The following CACNB4 variants were observed in gnomAD, a reference collection of about 807,000 sequenced individuals.
The protein encoded by CACNB4 is voltage-dependent L-type calcium channel subunit beta-4.
Under a neutral mutation model 71.2 loss-of-function variants are expected in CACNB4, and 32 were observed. The ratio of observed to expected loss-of-function variants is 0.45; its 90% CI spans 0.34 to 0.60. CACNB4 has a LOEUF of 0.60. Ranked by LOEUF, CACNB4 falls within the 20% of genes least tolerant of loss-of-function variation. CACNB4 has a pLI of 0.01. For synonymous variants in CACNB4, 231 were observed against 236.9 expected (o/e 0.97, Z 0.23); for missense variants, 464 against 647.9 (o/e 0.72, Z 3.08).
At chr2:152,076,692 C>A (rs1687049977) in intron 2 of CACNB4, among the ~76,000 whole-genome samples, 1 of 144,254 alleles carries the variant, frequency 6.9e-6, no homozygotes, top group Non-Finnish European at 1.5e-5. Context: ...CCTCACTCAG[C>A]TGATAATAAA....
intron 5 of CACNB4, chr2:151,873,206 A>G (rs2099845077): frequency 6.6e-6 from 1 of 152,252 alleles, no homozygotes. Flanking sequence ...TGGGGAGACA[A>G]AATCCTTTCC....
chr2:151,850,854 A>G (rs1347211573), intron 12 of CACNB4: 1 of 152,206 alleles, frequency 6.6e-6, no homozygotes, highest in Non-Finnish European at 1.5e-5. Flanking sequence ...CTGATATCAC[A>G]TAGGACCCAT....
In CACNB4 at chr2:152,006,732, AT is replaced by A. The variant is rs1682751692; in HGVS notation, c.147+91597del. Among the ~76,000 whole-genome samples, 4 of 152,296 alleles carry A rather than the reference AT, an allele frequency of 2.6e-5. No homozygotes were observed. In the South Asian group the frequency reaches 8.3e-4, roughly 32 times the overall value. On this transcript the variant is annotated intron_variant, in intron 2 of 13. Transcript: ENST00000539935. ...ACTCTGGGATTGAAAGCCTTTCATTATCTGCCCTGGTAGTCACGTTTCATTC... is the reference window on the plus strand; with the variant it reads ...ACTCTGGGATTGAAAGCCTTTCATTACTGCCCTGGTAGTCACGTTTCATTC...
chr2:151,932,518 C>A (rs1245283442), intron 2 of CACNB4, among the ~76,000 whole-genome samples: 1 of 152,066 alleles, frequency 6.6e-6, no homozygotes, highest in Non-Finnish European at 1.5e-5. Flanking sequence ...GTCCTAACCT[C>A]CAGTATCTCA....
At chr2:151,871,059 T>G (rs1364643160) in intron 6 of CACNB4, 198 bp from the exon 7 acceptor site, 1 of 595,828 alleles carries the variant, frequency 1.7e-6, no homozygotes, top group East Asian at 2.8e-5. Context: ...AACAGACAGC[T>G]TCCTCCCTGG....
chr2:151,863,382 G>C (rs1247707237), intron 9 of CACNB4, among the ~76,000 whole-genome samples: 1 of 152,052 alleles, frequency 6.6e-6, no homozygotes, highest in African/African-American at 2.4e-5. Context: ...GTTTATTTTT[G>C]TGTTTTTGGG....
intron 2 of CACNB4, among the ~76,000 whole-genome samples, chr2:151,938,628 G>A (rs1173571773): frequency 1.3e-5 from 2 of 152,208 alleles, no homozygotes; most frequent in African/African-American, 4.8e-5. Context: ...CTGGATGTCA[G>A]AATGTCATCG....
rs184357403 is a variant in CACNB4, at chr2:151,834,714, A to G, written c.*4405T>C. 4.6e-5 allele frequency: 7 copies of G among 152,042 alleles called. No homozygotes were observed. The East Asian group carries it at 1.3e-3, about 29-fold the overall frequency. The allele number at this position is 152,042 out of a possible 1,614,324, so 9.4% of individuals were successfully genotyped here. A position where few individuals can be genotyped will look rare whatever the true frequency, so the allele number is the denominator to read the frequency against. On this transcript the variant is annotated 3_prime_UTR_variant, in exon 14 of 14. Coordinates refer to ENST00000539935, the MANE Select transcript of CACNB4 (RefSeq NM_000726.5). ...TAATTGGATTGACTTGACTGGTTTGATCATGATTATTTTAAAGAAGAGGAC... is the reference window on the plus strand; with the variant it reads ...TAATTGGATTGACTTGACTGGTTTGGTCATGATTATTTTAAAGAAGAGGAC...
intron 3 of CACNB4, 119 bp downstream of exon 3, chr2:151,883,131 TG>T: frequency 9.7e-7 from 1 of 1,035,482 alleles, no homozygotes; most frequent in Non-Finnish European, 1.4e-6. Flanking sequence ...CTTCCCAATC[TG>T]GAGCCTTGTT....
chr2:152,074,264 TACCACCATCACCATTACCAACATC>T (rs1169370425), intron 2 of CACNB4, among the ~76,000 whole-genome samples: 1 of 151,234 alleles, frequency 6.6e-6, no homozygotes, highest in Admixed American at 6.6e-5. Flanking sequence ...TTTATACCAA[TACCACCATCACCATTACCAACATC>T]ACCACCATCA....
chr2:151,943,033 G>C (rs2099864664), intron 2 of CACNB4, among the ~76,000 whole-genome samples: 1 of 151,984 alleles, frequency 6.6e-6, no homozygotes, highest in African/African-American at 2.4e-5. Flanking sequence ...TCTTTGTTCT[G>C]CTTTTTGCCC....
chr2:151,925,873 G>A (rs940878750), intron 2 of CACNB4, among the ~76,000 whole-genome samples: 3 of 152,124 alleles, frequency 2.0e-5, no homozygotes, highest in Admixed American at 2.0e-4. Context: ...AGTTAAACCT[G>A]AATCCAAGGT....
At chr2:151,869,913 C>G (rs1427921783) in intron 8 of CACNB4, 2 of 385,026 alleles carry the variant, frequency 5.2e-6, no homozygotes, top group South Asian at 3.7e-5. Context: ...TTTAATGTCA[C>G]GTTCTACCTA....
At chr2:151,904,538 CT>C (rs11347936) in intron 2 of CACNB4, among the ~76,000 whole-genome samples, 92,209 of 127,436 alleles carry the variant, frequency 0.72, 32,678 homozygotes, top group Middle Eastern at 0.88. Context: ...AGAGATAACT[CT>C]TTTTTTTTTT....
intron 2 of CACNB4, among the ~76,000 whole-genome samples, chr2:151,974,539 C>A (rs2099873426): frequency 6.6e-6 from 1 of 152,192 alleles, no homozygotes; most frequent in Admixed American, 6.5e-5. Context: ...AACTTCTCAA[C>A]TTTTAGATGT....
intron 2 of CACNB4, among the ~76,000 whole-genome samples, chr2:151,976,926 T>C (rs2099873912): frequency 2.6e-5 from 4 of 152,204 alleles, no homozygotes; most frequent in Admixed American, 2.0e-4. Flanking sequence ...CACACTTCAC[T>C]GCAGCAGGTA....
chr2:151,940,482 A>G (rs1220933568), intron 2 of CACNB4, among the ~76,000 whole-genome samples: 2 of 152,220 alleles, frequency 1.3e-5, no homozygotes, highest in African/African-American at 4.8e-5. Flanking sequence ...GTAGGAAGCC[A>G]TATTTCTGAC....
At chr2:151,982,462 T>A (rs1010665732) in intron 2 of CACNB4, among the ~76,000 whole-genome samples, 1 of 151,870 alleles carries the variant, frequency 6.6e-6, no homozygotes, top group African/African-American at 2.4e-5. Flanking sequence ...TGAAACCCTG[T>A]CTCTACTAAA....
intron 2 of CACNB4, among the ~76,000 whole-genome samples, chr2:152,022,370 A>G (rs1683719718): frequency 6.6e-6 from 1 of 152,234 alleles, no homozygotes. Context: ...CACAAAGGAC[A>G]CAATCCATGT....
Sources: allele counts gnomAD v4.1 joint callset (sites outside exome capture counted in the v4.1 genomes callset), GRCh38; gene constraint gnomAD v4.1.1; transcripts MANE v1.5; gene names NCBI Gene and HGNC (gene_info 2026-07-23, HGNC 2026-07-21).